The following COMP variants were observed in gnomAD, a reference collection of about 807,000 sequenced individuals.
COMP encodes the protein cartilage oligomeric matrix protein (pseudoachondroplasia, epiphyseal dysplasia 1, multiple).
In COMP, 79 loss-of-function variants were observed where a neutral mutation model predicts 95.8. That is an observed-to-expected ratio of 0.82 (90% CI 0.69 to 0.99). The LOEUF (loss-of-function observed/expected upper bound fraction) is 0.99, where lower values mean the gene tolerates loss of function less well. Among genes scored for constraint, COMP ranks in the 50% least tolerant of loss-of-function variants. The pLI, the probability that COMP is intolerant of heterozygous loss-of-function variation, is 0.00. For missense variants in COMP, 906 were observed against 1,076.1 expected (o/e 0.84, Z 2.21); for synonymous variants, 438 against 433.9 (o/e 1.01, Z -0.12).
In COMP at chr19:18,784,324, T is replaced by C. The variant is rs763030013; in HGVS notation, c.1954A>G (p.Asn652Asp). ...SSTGPGEQLR[N>D]ALWHTGDTES... ...GTGTCTCCTGTATGCCACAGAGCGTTCCGCAGCTGTTCCCCGGGGCCTGTG... is the reference window on the plus strand; with the variant it reads ...GTGTCTCCTGTATGCCACAGAGCGTCCCGCAGCTGTTCCCCGGGGCCTGTG... Residue 652 changes from asparagine (N) to aspartate (D), a missense_variant, in exon 17 of 19, where the codon AAC (asparagine) becomes GAC (aspartate). Transcript: ENST00000222271. The surrounding 1 kb of genome is among the most constrained non-coding windows in gnomAD (Gnocchi z 4.9). 3.1e-6 allele frequency: 5 copies of C among 1,613,942 alleles called. No individual in the cohort carries two copies. The African/African-American group carries it at 5.3e-5, about 17-fold the overall frequency.
rs574489620 is a variant in COMP, at chr19:18,784,481, G to A, written c.1915-118C>T. The A allele has an allele frequency of 8.3e-6, 10 of 1,200,594 alleles. No homozygotes were observed. Among genetic ancestry groups the A allele is most frequent in the Admixed American group, 1.9e-5 (1 of 51,830 alleles). 74.4% of individuals were successfully genotyped at this position (1,200,594 alleles called of 1,614,324 possible). ...GGTGGGCGGCCAGGGGGATCCGGAT[G>A]AGAGACCCACAAGGAAGCCTTCTTC... On this transcript the variant is annotated intron_variant, in intron 16 of 18. Transcript: ENST00000222271. The surrounding 1 kb of genome is among the most constrained non-coding windows in gnomAD (Gnocchi z 4.9).
chr19:18,785,935 C>T (rs1260898069), intron 13 of COMP, 30 bp downstream of exon 13: 7 of 1,577,468 alleles, frequency 4.4e-6, no homozygotes, highest in Middle Eastern at 2.1e-4. Context: ...ACTGGCCCCG[C>T]CCCCACCGCA....
rs1320813623 is a variant in COMP, at chr19:18,784,463, G to A, written c.1915-100C>T. On this transcript the variant is annotated intron_variant, in intron 16 of 18. Coordinates refer to ENST00000222271, the MANE Select transcript of COMP (RefSeq NM_000095.3). The surrounding 1 kb of genome is among the most constrained non-coding windows in gnomAD (Gnocchi z 4.9). ...CAGTTGGGAGCAGCAGGTGGTGGGC[G>A]GCCAGGGGGATCCGGATGAGAGACC... is the stretch of plus-strand genomic sequence containing the variant. The A allele has an allele frequency of 1.8e-5, 26 of 1,408,746 alleles. No individual in the cohort carries two copies. The highest frequency in any genetic ancestry group is 8.3e-5 in the South Asian group (7 of 84,688). The allele number at this position is 1,408,746 out of a possible 1,614,324, so 87.3% of individuals were successfully genotyped here. A position where few individuals can be genotyped will look rare whatever the true frequency, so the allele number is the denominator to read the frequency against.
chr19:18,784,465 C>T lies in COMP; in HGVS notation c.1915-102G>A. 1.5e-6 allele frequency: 2 copies of T among 1,378,470 alleles called. No individual in the cohort carries two copies. Among genetic ancestry groups the T allele is most frequent in the South Asian group, 1.2e-5 (1 of 83,706 alleles). The allele number at this position is 1,378,470 out of a possible 1,614,324, so 85.4% of individuals were successfully genotyped here. On this transcript the variant is annotated intron_variant, in intron 16 of 18. Coordinates refer to ENST00000222271, the MANE Select transcript of COMP (RefSeq NM_000095.3). The surrounding 1 kb of genome is among the most constrained non-coding windows in gnomAD (Gnocchi z 4.9). ...GTTGGGAGCAGCAGGTGGTGGGCGG[C>T]CAGGGGGATCCGGATGAGAGACCCA...
At position 18,788,143 on chromosome 19, in the gene COMP, C is replaced by G; in HGVS notation, c.975+69G>C. The G allele has an allele frequency of 1.1e-5, 14 of 1,310,398 alleles. No individual in the cohort carries two copies. The South Asian group carries it at 1.6e-4, about 15-fold the overall frequency. The allele number at this position is 1,310,398 out of a possible 1,614,324, so 81.2% of individuals were successfully genotyped here. The stretch of plus-strand genomic sequence containing the variant: ...GGTCTCCATCTCTTGACCTCGTGAT[C>G]CGCCCGCCTCGGCCTCCCAAAGTGC... On this transcript the variant is annotated intron_variant, in intron 9 of 18. Transcript: ENST00000222271. This position sits in a 1 kb window ranked among gnomAD's most constrained non-coding sequence, Gnocchi z 4.7.
Position 18,788,595 on chromosome 19 carries a change from G to A in COMP, c.759C>T (p.Cys253=). Reference sequence around the variant, plus strand: ...AGCCCAGCCCGCCCGCACTCACCACGCACGACCGCGAGCCATCGCGCTCTA... The same window carrying A: ...AGCCCAGCCCGCCCGCACTCACCACACACGACCGCGAGCCATCGCGCTCTA... ...CVLERDGSRS[C]VCAVGWAGNG... is the part of the protein sequence containing the mutation. Residue 253 remains cysteine (C), a synonymous_variant, in exon 7 of 19, where the codon TGC becomes TGT. Coordinates refer to ENST00000222271, the MANE Select transcript of COMP (RefSeq NM_000095.3). The surrounding 1 kb of genome is among the most constrained non-coding windows in gnomAD (Gnocchi z 4.7). The A allele has an allele frequency of 4.5e-6, 7 of 1,553,526 alleles. No homozygotes were observed. Among genetic ancestry groups the A allele is most frequent in the Non-Finnish European group, 6.1e-6 (7 of 1,149,238 alleles).
intron 13 of COMP, 56 bp from the exon 14 acceptor site, chr19:18,785,907 C>G: frequency 1.9e-6 from 3 of 1,604,510 alleles, no homozygotes; most frequent in Non-Finnish European, 2.5e-6. Context: ...CACCGTAGAC[C>G]CCGCGCCAGG....
Position 18,788,924 on chromosome 19 carries a change from G to A in COMP, c.529-11C>T, listed in dbSNP as rs372903542. The stretch of plus-strand genomic sequence containing the variant: ...GATGTCCGTGCAAACCTAGGGGAGG[G>A]GAACTCAGAGGTCACCACCCCACGC... On this transcript the variant is annotated splice_polypyrimidine_tract_variant and intron_variant, in intron 5 of 18. Coordinates refer to ENST00000222271, the MANE Select transcript of COMP (RefSeq NM_000095.3). The surrounding 1 kb of genome is among the most constrained non-coding windows in gnomAD (Gnocchi z 4.7). 6.2e-7 allele frequency: 1 copy of A among 1,612,632 alleles called. No individual in the cohort carries two copies. The highest frequency in any genetic ancestry group is 8.5e-7 in the Non-Finnish European group (1 of 1,179,604).
intron 3 of COMP, 123 bp from the exon 4 acceptor site, chr19:18,790,237 G>A: frequency 2.7e-6 from 2 of 751,036 alleles, no homozygotes; most frequent in Non-Finnish European, 4.0e-6. Context: ...GCCCCGGGGC[G>A]GCCCGAAATC....
Position 18,790,035 on chromosome 19 carries a change from G to A in COMP, c.297C>T (p.Gly99=). ...LHCAPGFCFP[G]VACIQTESGA... ...CGCTCTCCGTCTGGATGCAGGCCAC[G>A]CCGGGGAAGCAGAAGCCGGGCGCGC... Residue 99 remains glycine (G), a synonymous_variant, in exon 4 of 19, where the codon GGC becomes GGT. Transcript: ENST00000222271. The A allele has an allele frequency of 5.1e-6, 8 of 1,572,840 alleles. No individual in the cohort carries two copies. The highest frequency in any genetic ancestry group is 6.9e-6 in the Non-Finnish European group (8 of 1,165,710).
In COMP at chr19:18,787,977, G is replaced by C. The variant is rs148847186; in HGVS notation, c.975+235C>G. Among the ~76,000 whole-genome samples, 9,045 of 149,678 alleles carry C rather than the reference G, an allele frequency of 0.06. 918 individuals are homozygous for C. Among genetic ancestry groups the C allele is most frequent in the African/African-American group, 0.21 (8,426 of 40,316 alleles). ...GGAGTGCAGTGGCGCGATCTCGGCT[G>C]ACTGCAACCTCCGCCTCCCGGGTTC... On this transcript the variant is annotated intron_variant, in intron 9 of 18. Coordinates refer to ENST00000222271, the MANE Select transcript of COMP (RefSeq NM_000095.3).
At position 18,789,273 on chromosome 19, in the gene COMP, G is replaced by C; in HGVS notation, c.415C>G (p.Arg139Gly). Reference protein sequence around the residue: ...NECNAHPCFPRVRCINTSPGF... With the variant: ...NECNAHPCFPGVRCINTSPGF... ...GGGCTGGTGTTGATACAGCGGACTC[G>C]GGGGAAGCAGGGGTGGGCGTTGCAC... The change falls in exon 5 of 19, where the codon CGA (arginine) becomes GGA (glycine). Residue 139 changes from arginine to glycine, a missense_variant. Coordinates refer to ENST00000222271, the MANE Select transcript of COMP (RefSeq NM_000095.3). The surrounding 1 kb of genome is among the most constrained non-coding windows in gnomAD (Gnocchi z 6.1). 1 of 1,501,274 alleles carries C rather than the reference G, an allele frequency of 6.7e-7. No individual in the cohort carries two copies. The highest frequency in any genetic ancestry group is 1.4e-5 in the South Asian group (1 of 72,370). The allele number at this position is 1,501,274 out of a possible 1,614,324, so 93.0% of individuals were successfully genotyped here.
chr19:18,790,682 C>T (rs569955882), intron 2 of COMP, 69 bp from the exon 3 acceptor site: 7 of 1,613,024 alleles, frequency 4.3e-6, no homozygotes, highest in African/African-American at 1.3e-5. Context: ...CCTCTCTCTA[C>T]CCCGGGGTCC....
Position 18,784,494 on chromosome 19 carries a change from G to A in COMP, c.1915-131C>T, listed in dbSNP as rs2055151117. On this transcript the variant is annotated intron_variant, in intron 16 of 18. Coordinates refer to ENST00000222271, the MANE Select transcript of COMP (RefSeq NM_000095.3). The surrounding 1 kb of genome is among the most constrained non-coding windows in gnomAD (Gnocchi z 4.9). The stretch of plus-strand genomic sequence containing the variant: ...GGGGATCCGGATGAGAGACCCACAA[G>A]GAAGCCTTCTTCAGGGGCCAAATGG... The A allele has an allele frequency of 9.3e-7, 1 of 1,079,570 alleles. No individual in the cohort carries two copies. The allele number at this position is 1,079,570 out of a possible 1,614,324, so 66.9% of individuals were successfully genotyped here.
chr19:18,786,569 G>C lies in COMP; in HGVS notation c.1217C>G (p.Ala406Gly), dbSNP rs756200063. Residue 406 changes from alanine (A) to glycine (G), a missense_variant, in exon 11 of 19, where the codon GCC becomes GGC. Ala to Gly is a moderately conservative substitution (Grantham distance 60). Transcript: ENST00000222271. ...KDSDGDGIGD[A>G]CDNCPQKSNP... ...GCTCTTCTGGGGACAGTTGTCACAG[G>C]CATCCCCTATACCATCGCCATCACT... The C allele has an allele frequency of 3.1e-6, 5 of 1,614,068 alleles. No homozygotes were observed. In the South Asian group the frequency reaches 5.5e-5, roughly 18 times the overall value.
rs771160876 is a variant in COMP, at chr19:18,789,894, G to A, written c.390+48C>T. On this transcript the variant is annotated intron_variant, in intron 4 of 18. Transcript: ENST00000222271. The surrounding 1 kb of genome is among the most constrained non-coding windows in gnomAD (Gnocchi z 6.1). ...TCTCCCGGGCGGCGAGAGATTGGGG[G>A]GCGGTAGAGGGAGTCGTCAGGGCGG... 10 of 1,586,194 alleles carry A rather than the reference G, an allele frequency of 6.3e-6. No homozygotes were observed. The South Asian group carries it at 8.9e-5, about 14-fold the overall frequency.
chr19:18,788,363 C>A lies in COMP; in HGVS notation c.868-44G>T. 6.2e-7 allele frequency: 1 copy of A among 1,606,668 alleles called. No individual in the cohort carries two copies. The highest frequency in any genetic ancestry group is 1.1e-5 in the South Asian group (1 of 90,898). ...GGTGTGAGGGGCGCGGTCATGAAGT[C>A]CCGCCCTCCCTCCTGCCCAAGCCCG... On this transcript the variant is annotated intron_variant, in intron 8 of 18. Coordinates refer to ENST00000222271, the MANE Select transcript of COMP (RefSeq NM_000095.3). The surrounding 1 kb of genome is among the most constrained non-coding windows in gnomAD (Gnocchi z 4.7).
intron 2 of COMP, 72 bp from the exon 3 acceptor site, chr19:18,790,685 C>G: frequency 6.2e-7 from 1 of 1,612,900 alleles, no homozygotes; most frequent in Non-Finnish European, 8.5e-7. Context: ...CTCTCTACCC[C>G]GGGGTCCCTT....
At chr19:18,783,703 G>A (rs980730398) in intron 17 of COMP, among the ~76,000 whole-genome samples, 7 of 150,970 alleles carry the variant, frequency 4.6e-5, no homozygotes, top group Non-Finnish European at 8.8e-5. Flanking sequence ...TCCGCTTCCC[G>A]AGTTCAAGCG....
Sources: gnomAD v4.1 joint callset for allele counts (sites outside exome capture counted in the v4.1 genomes callset) on GRCh38, gnomAD v4.1.1 for gene constraint, Gnocchi (gnomAD v3.1) non-coding constraint, MANE v1.5 for transcripts, NCBI Gene and HGNC (gene_info 2026-07-23, HGNC 2026-07-21) for gene names.